The following GJB6 variants were observed in gnomAD, a reference collection of about 807,000 sequenced individuals.
The protein encoded by GJB6 is gap junction protein beta 6, also known as gap junction beta-6 protein.
GJB6 carries 5 observed loss-of-function variants against 5.4 expected under a neutral mutation model. The ratio of observed to expected loss-of-function variants is 0.92; its 90% CI spans 0.48 to 1.93. GJB6 has a LOEUF of 1.93. Among genes scored for constraint, GJB6 ranks in the 30% most tolerant of loss-of-function variants. The pLI, the probability that GJB6 is intolerant of heterozygous loss-of-function variation, is 0.01. For synonymous variants in GJB6, 136 were observed against 129.6 expected, an observed-to-expected ratio of 1.05 and a Z score of -0.34; for missense variants, 298 against 326.9, an observed-to-expected ratio of 0.91 and a Z score of 0.68.
intron 3 of GJB6, 73 bp downstream of exon 3, chr13:20,230,625 G>A (rs1346148669): frequency 1.3e-5 from 2 of 152,050 alleles, no homozygotes; most frequent in African/African-American, 4.8e-5. Flanking sequence ...AAGAAGCTTG[G>A]GTCAGAAATC....
chr13:20,227,084 G>A (rs533834795), intron 4 of GJB6, among the ~76,000 whole-genome samples: 189 of 152,200 alleles, frequency 1.2e-3, no homozygotes, highest in African/African-American at 4.4e-3. Context: ...ACTGGTCCAC[G>A]CTTTCTAGAA....
chr13:20,229,123 CA>C (rs5802041), intron 4 of GJB6, among the ~76,000 whole-genome samples: 121 of 43,874 alleles, frequency 2.8e-3, no homozygotes, highest in East Asian at 6.5e-3. Flanking sequence ...TGTCATTTAG[CA>C]AAAAAAAAAA....
chr13:20,222,829 A>T lies in GJB6; in HGVS notation c.652T>A (p.Cys218Ser), dbSNP rs768912194. 6.2e-7 allele frequency: 1 copy of T among 1,614,150 alleles called. No individual in the cohort carries two copies. Among genetic ancestry groups the T allele is most frequent in the South Asian group, 1.1e-5 (1 of 91,090 alleles). Residue 218 changes from cysteine to serine, a missense_variant, in exon 5 of 5, where the codon TGT (cysteine) becomes AGT (serine). By Grantham distance (112) the Cys-to-Ser change is moderately radical. Coordinates refer to ENST00000647029, the MANE Select transcript of GJB6 (RefSeq NM_001110219.3). The stretch of plus-strand genomic sequence containing the variant: ...TGTGCTCTCTTTGATCTCCTAAAAC[A>T]CACTTTCAGCAGCAGGTAGCACAAC... ...AELCYLLLKV[C>S]FRRSKRAQTQ... is the part of the protein sequence containing the mutation.
chr13:20,227,658 G>A (rs186282017), intron 4 of GJB6, among the ~76,000 whole-genome samples: 247 of 152,288 alleles, frequency 1.6e-3, no homozygotes, highest in African/African-American at 5.1e-3. Flanking sequence ...ACCAGCTCCG[G>A]GGATCTGCCG....
intron 4 of GJB6, chr13:20,225,600 A>G (rs1478194385): frequency 1.3e-5 from 2 of 152,120 alleles, no homozygotes; most frequent in Non-Finnish European, 2.9e-5. Flanking sequence ...TCCACAGGAG[A>G]GCAGAATATT....
At chr13:20,228,779 C>T (rs936351093) in intron 4 of GJB6, among the ~76,000 whole-genome samples, 17 of 152,008 alleles carry the variant, frequency 1.1e-4, no homozygotes, top group Admixed American at 3.9e-4. Flanking sequence ...CCACCGCGCC[C>T]GGCCCATGCT....
At position 20,222,965 on chromosome 13, in the gene GJB6, G is replaced by C; in HGVS notation, c.516C>G (p.Asp172Glu). The C allele has an allele frequency of 6.2e-7, 1 of 1,614,122 alleles. No homozygotes were observed. The highest frequency in any genetic ancestry group is 1.1e-5 in the South Asian group (1 of 91,078). The change falls in exon 5 of 5, where the codon GAC (aspartate) becomes GAG (glutamate). Residue 172 changes from aspartate (D) to glutamate (E), a missense_variant. Physicochemically the swap from Asp to Glu is conservative, Grantham distance 45. Coordinates refer to ENST00000647029, the MANE Select transcript of GJB6 (RefSeq NM_001110219.3). Reference sequence around the variant, plus strand: ...AGCAGTCAACAAGGTTGGGGCAGGGGTCAATCCCACATTTCAACACCCAGG... The same window carrying C: ...AGCAGTCAACAAGGTTGGGGCAGGGCTCAATCCCACATTTCAACACCCAGG... ...HLPWVLKCGIDPCPNLVDCFI... is the reference protein window; with the variant it reads ...HLPWVLKCGIEPCPNLVDCFI...
At position 20,228,515 on chromosome 13, in the gene GJB6, G is replaced by C. The variant is rs544017524; in HGVS notation, c.-16+1065C>G. 4.7e-5 allele frequency among the ~76,000 whole-genome samples: 7 copies of C among 150,190 alleles called. No individual in the cohort carries two copies. The East Asian group carries it at 5.9e-4, about 13-fold the overall frequency. ...TTTGTTTTTTTTGAGATGGAGTCTA[G>C]CTCTGTTGCCCAAGCTGGAGTACCG... On this transcript the variant is annotated intron_variant, in intron 4 of 4. Transcript: ENST00000647029.
At chr13:20,225,150 T>C (rs1593365273) in intron 4 of GJB6, 1 of 152,354 alleles carries the variant, frequency 6.6e-6, no homozygotes, top group South Asian at 2.1e-4. Flanking sequence ...TTTTTTGCCC[T>C]TGGTTGGGTA....
At chr13:20,226,949 T>G (rs1158135474) in intron 4 of GJB6, among the ~76,000 whole-genome samples, 1 of 152,102 alleles carries the variant, frequency 6.6e-6, no homozygotes, top group Non-Finnish European at 1.5e-5. Context: ...CACCCCGTGG[T>G]CCCCTGTGGT....
In GJB6 at chr13:20,222,573, C is replaced by G. The variant is rs1869245199; in HGVS notation, c.*122G>C. On this transcript the variant is annotated 3_prime_UTR_variant, in exon 5 of 5. Transcript: ENST00000647029. ...TCCTACAAAAAGTTAACTCAAGTGT[C>G]TATTTATTATGAAAGTCATTTACAA... is the stretch of plus-strand genomic sequence containing the variant. The G allele has an allele frequency of 2.5e-6, 2 of 802,680 alleles. No homozygotes were observed. The highest frequency in any genetic ancestry group is 4.3e-6 in the Non-Finnish European group (2 of 462,834). 49.7% of individuals were successfully genotyped at this position (802,680 alleles called of 1,614,324 possible).
chr13:20,230,539 C>T (rs1434836544), intron 3 of GJB6, among the ~76,000 whole-genome samples, 159 bp downstream of exon 3: 1 of 152,168 alleles, frequency 6.6e-6, no homozygotes, highest in Non-Finnish European at 1.5e-5. Flanking sequence ...CAGGTCTATG[C>T]TCATGCACTA....
chr13:20,228,585 G>A (rs565185902), intron 4 of GJB6, among the ~76,000 whole-genome samples: 10 of 149,772 alleles, frequency 6.7e-5, no homozygotes, highest in Non-Finnish European at 1.2e-4. Flanking sequence ...CCGGGTTCAC[G>A]CCGTTCTCCC....
chr13:20,224,908 A>T (rs926318214), intron 4 of GJB6, among the ~76,000 whole-genome samples: 1 of 152,108 alleles, frequency 6.6e-6, no homozygotes, highest in African/African-American at 2.4e-5. Flanking sequence ...TTCTCAGGCC[A>T]GCCCCCTGGA....
chr13:20,229,408 G>A (rs528132778), intron 4 of GJB6, among the ~76,000 whole-genome samples, 172 bp downstream of exon 4: 106 of 141,990 alleles, frequency 7.5e-4, no homozygotes, highest in Admixed American at 4.6e-3. Context: ...CTCAGCCTCG[G>A]CCTCCCAAAG....
intron 3 of GJB6, 43 bp from the exon 4 acceptor site, chr13:20,229,792 T>TCCCCCCCCCCCCC (rs56771888): frequency 1.6e-3 from 116 of 72,806 alleles, no homozygotes; most frequent in Middle Eastern, 6.9e-3. Context: ...TTCCTTTAAC[T>TCCCCCCCCCCCCC]CCCCCCCCCC....
Position 20,222,427 on chromosome 13 carries a change from G to T in GJB6, c.*268C>A, listed in dbSNP as rs1459604338. ...TAAATTTTCAGAAAGTACCCACTTT[G>T]TCAGAGAGTCCACTTAAAAGGAACC... is the stretch of plus-strand genomic sequence containing the variant. On this transcript the variant is annotated 3_prime_UTR_variant, in exon 5 of 5. Coordinates refer to ENST00000647029, the MANE Select transcript of GJB6 (RefSeq NM_001110219.3). 4.5e-6 allele frequency: 2 copies of T among 449,106 alleles called. No homozygotes were observed. The highest frequency in any genetic ancestry group is 7.9e-6 in the Non-Finnish European group (2 of 252,226). The allele number at this position is 449,106 out of a possible 1,614,324, so 27.8% of individuals were successfully genotyped here.
intron 4 of GJB6, among the ~76,000 whole-genome samples, chr13:20,224,886 G>C (rs1046068992): frequency 2.0e-5 from 3 of 152,118 alleles, no homozygotes; most frequent in Non-Finnish European, 4.4e-5. Flanking sequence ...AGGGACACCT[G>C]TCAGCCTCCC....
At chr13:20,230,876 A>C (rs181987966) in intron 2 of GJB6, 69 bp from the exon 3 acceptor site, 2 of 152,364 alleles carry the variant, frequency 1.3e-5, no homozygotes, top group East Asian at 3.9e-4. Flanking sequence ...CTGTATCAGA[A>C]TTTGTTTAAA....
Sources: allele counts gnomAD v4.1 joint callset (sites outside exome capture counted in the v4.1 genomes callset), GRCh38; gene constraint gnomAD v4.1.1; transcripts MANE v1.5; gene names NCBI Gene and HGNC (gene_info 2026-07-23, HGNC 2026-07-21).